The following COIL variants were observed in gnomAD, a reference collection of about 807,000 sequenced individuals.
COIL encodes the protein coilin p80.
Under a neutral mutation model 51.6 loss-of-function variants are expected in COIL, and 28 were observed. The observed-to-expected ratio is 0.54, with a 90% confidence interval of 0.40 to 0.74. The LOEUF (loss-of-function observed/expected upper bound fraction) is 0.74, where lower values mean the gene tolerates loss of function less well. Ranked by LOEUF, COIL falls within the 30% of genes least tolerant of loss-of-function variation. The pLI is 0.00. For synonymous variants in COIL, 233 were observed against 255.8 expected (o/e 0.91, Z 0.85); for missense variants, 667 against 685.9 (o/e 0.97, Z 0.31).
chr17:56,945,690 C>G (rs1490444014), intron 5 of COIL, among the ~76,000 whole-genome samples: 1 of 152,058 alleles, frequency 6.6e-6, no homozygotes. Flanking sequence ...GTATTGTCTG[C>G]AATTTCCACA....
chr17:56,953,930 A>G (rs1473453593), intron 1 of COIL, among the ~76,000 whole-genome samples: 2 of 152,202 alleles, frequency 1.3e-5, no homozygotes, highest in Admixed American at 6.5e-5. Flanking sequence ...CAAGGAAATA[A>G]TTCTTAATCT....
chr17:56,942,957 C>T (rs1910175862), intron 5 of COIL, among the ~76,000 whole-genome samples: 1 of 152,160 alleles, frequency 6.6e-6, no homozygotes, highest in African/African-American at 2.4e-5. Flanking sequence ...CATTAAAAAC[C>T]TTTACTACAT....
rs756998940 is a variant in COIL, at chr17:56,950,618, C to T, written c.624G>A (p.Val208=). ...TACATCTCTGATTGGCCCAGTCTTT[C>T]ACTGCCTGTACTTTCGGAGACTTGG... ...KNPKSPKVQA[V]KDWANQRCSS... is the part of the protein sequence containing the mutation. The change falls in exon 2 of 7, where the codon GTG becomes GTA. Residue 208 remains valine, a synonymous_variant. Transcript: ENST00000240316. The T allele has an allele frequency of 1.9e-6, 3 of 1,614,172 alleles. No homozygotes were observed. In the Admixed American group the frequency reaches 5.0e-5, roughly 27 times the overall value.
intron 1 of COIL, chr17:56,951,966 A>T (rs1910381615): frequency 5.4e-6 from 1 of 183,668 alleles, no homozygotes; most frequent in African/African-American, 2.4e-5. Flanking sequence ...ATGCCTCGCT[A>T]ATTTTTGTAT....
chr17:56,952,263 A>C, intron 1 of COIL: 1 of 488,196 alleles, frequency 2.0e-6, no homozygotes, highest in Admixed American at 2.1e-5. Context: ...TGCAACTCAA[A>C]GATCTAGAAA....
In COIL at chr17:56,950,724, A is replaced by T; in HGVS notation, c.518T>A (p.Val173Glu). ...TTTGGCCTCTTCGTTATCATCACCC[A>T]CTGTGCCACAGGTTGCTTTATTTTT... ...KRKNKATCGT[V>E]GDDNEEAKRK... is the part of the protein sequence containing the mutation. The change falls in exon 2 of 7, where the codon GTG becomes GAG. Residue 173 changes from valine (V) to glutamate (E), a missense_variant. Transcript: ENST00000240316. 6.2e-7 allele frequency: 1 copy of T among 1,613,342 alleles called. No homozygotes were observed. Among genetic ancestry groups the T allele is most frequent in the Non-Finnish European group, 8.5e-7 (1 of 1,179,906 alleles).
chr17:56,956,038 A>T (rs888910776), intron 1 of COIL, among the ~76,000 whole-genome samples: 4 of 152,220 alleles, frequency 2.6e-5, no homozygotes, highest in African/African-American at 7.2e-5. Context: ...TGATATTTGT[A>T]GTTTAAAAGT....
Position 56,960,849 on chromosome 17 carries a change from T to C in COIL, c.171A>G (p.Leu57=). The change falls in exon 1 of 7, where the codon CTA becomes CTG. Residue 57 remains leucine (L), a synonymous_variant. Coordinates refer to ENST00000240316, the MANE Select transcript of COIL (RefSeq NM_004645.3). ...AGAGCCCCCCCTCCAGGTAGAGGCC[T>C]AGGAAGGCCCCAGAACTGAAGCCGA... ...QRFGFSSGAF[L]GLYLEGGLLP... 1 of 1,611,592 alleles carries C rather than the reference T, an allele frequency of 6.2e-7. No individual in the cohort carries two copies.
At chr17:56,956,701 C>A (rs1227445130) in intron 1 of COIL, among the ~76,000 whole-genome samples, 1 of 152,160 alleles carries the variant, frequency 6.6e-6, no homozygotes, top group Non-Finnish European at 1.5e-5. Flanking sequence ...AAATGATCCT[C>A]CCACCTCAGC....
At chr17:56,952,752 C>T (rs1910397217) in intron 1 of COIL, among the ~76,000 whole-genome samples, 1 of 152,008 alleles carries the variant, frequency 6.6e-6, no homozygotes, top group Admixed American at 6.6e-5. Flanking sequence ...TCCTATGAGC[C>T]AATTCCTTAC....
chr17:56,959,732 C>T (rs1282715889), intron 1 of COIL, among the ~76,000 whole-genome samples: 3 of 152,218 alleles, frequency 2.0e-5, no homozygotes, highest in Non-Finnish European at 4.4e-5. Context: ...CCCTGAAGGC[C>T]GCCATGGGTA....
intron 1 of COIL, among the ~76,000 whole-genome samples, chr17:56,953,734 A>G (rs1166649565): frequency 2.0e-5 from 3 of 152,180 alleles, no homozygotes; most frequent in Non-Finnish European, 2.9e-5. Context: ...ATTTACCTCA[A>G]TGCGGTAGTT....
chr17:56,956,247 T>C (rs1294129898), intron 1 of COIL, among the ~76,000 whole-genome samples: 1 of 152,172 alleles, frequency 6.6e-6, no homozygotes, highest in Non-Finnish European at 1.5e-5. Flanking sequence ...TCTAATATTT[T>C]GTTTTGTTTG....
At chr17:56,942,916 G>A (rs975512735) in intron 5 of COIL, among the ~76,000 whole-genome samples, 12 of 152,172 alleles carry the variant, frequency 7.9e-5, no homozygotes, top group South Asian at 4.1e-4. Context: ...AATTATTATC[G>A]TCTTACGAGT....
At position 56,950,409 on chromosome 17, in the gene COIL, T is replaced by C. The variant is rs942146877; in HGVS notation, c.833A>G (p.Glu278Gly). The C allele has an allele frequency of 1.2e-6, 2 of 1,614,092 alleles. No homozygotes were observed. Among genetic ancestry groups the C allele is most frequent in the African/African-American group, 2.7e-5 (2 of 74,946 alleles). Residue 278 changes from glutamate (E) to glycine (G), a missense_variant, in exon 2 of 7, where the codon GAG becomes GGG. By Grantham distance (98) the Glu-to-Gly change is moderately conservative. Transcript: ENST00000240316. ...GGTAGAGGGTTCTTCCTTTGATAAC[T>C]CAGTTGGTAATTTCTCTGAGGAATT... ...ARNSSEKLPT[E>G]LSKEEPSTKN... is the part of the protein sequence containing the mutation.
At position 56,938,498 on chromosome 17, in the gene COIL, C is replaced by T. The variant is rs895319304; in HGVS notation, c.*573G>A. 6.6e-6 allele frequency: 1 copy of T among 152,288 alleles called. No homozygotes were observed. The highest frequency in any genetic ancestry group is 1.5e-5 in the Non-Finnish European group (1 of 68,190). The allele number at this position is 152,288 out of a possible 1,614,324, so 9.4% of individuals were successfully genotyped here. ...TTATTTTCACTGCTCTACACAGGGA[C>T]CTGAGAATCCTTAATTTTAAAGTTG... On this transcript the variant is annotated 3_prime_UTR_variant, in exon 7 of 7. Transcript: ENST00000240316.
intron 5 of COIL, among the ~76,000 whole-genome samples, chr17:56,945,453 G>T (rs753222271): frequency 6.6e-6 from 1 of 152,172 alleles, no homozygotes; most frequent in Non-Finnish European, 1.5e-5. Flanking sequence ...TATTATAAAA[G>T]CCCTCTTATT....
chr17:56,959,744 G>A (rs559235466), intron 1 of COIL, among the ~76,000 whole-genome samples: 286 of 152,350 alleles, frequency 1.9e-3, no homozygotes, highest in Middle Eastern at 0.01. Context: ...CCATGGGTAA[G>A]GCCGGGTCTC....
chr17:56,942,274 G>A (rs1910164419), intron 5 of COIL, 151 bp from the exon 6 acceptor site: 7 of 658,842 alleles, frequency 1.1e-5, no homozygotes, highest in Non-Finnish European at 1.6e-5. Flanking sequence ...AGCACAGGGT[G>A]CTCAATACTG....
Sources: gnomAD v4.1 joint callset for allele counts (sites outside exome capture counted in the v4.1 genomes callset) on GRCh38, gnomAD v4.1.1 for gene constraint, MANE v1.5 for transcripts, NCBI Gene and HGNC (gene_info 2026-07-23, HGNC 2026-07-21) for gene names.